CCBE1: variants seen among roughly 807,000 people sequenced by gnomAD.
CCBE1 encodes collagen and calcium-binding EGF domain-containing protein 1.
In CCBE1, 37 loss-of-function variants were observed where a neutral mutation model predicts 50.0. The ratio of observed to expected loss-of-function variants is 0.74; its 90% CI spans 0.57 to 0.97. The LOEUF is 0.97. Among genes scored for constraint, CCBE1 ranks in the 50% least tolerant of loss-of-function variants. CCBE1 has a pLI of 0.00. For missense variants in CCBE1, 538 were observed against 523.8 expected (o/e 1.03, Z -0.26); for synonymous variants, 234 against 203.7 (o/e 1.15, Z -1.27).
chr18:59,521,115 A>C (rs1195155173), intron 2 of CCBE1, among the ~76,000 whole-genome samples: 3 of 152,220 alleles, frequency 2.0e-5, no homozygotes. Flanking sequence ...CACTGCCAAT[A>C]ATCTCTTGTA....
In CCBE1 at chr18:59,433,025, A is replaced by G. The variant is rs1230141270; in HGVS notation, c.*2883T>C. On this transcript the variant is annotated 3_prime_UTR_variant, in exon 11 of 11. Transcript: ENST00000439986. The stretch of plus-strand genomic sequence containing the variant: ...CTCCACAAGCAGGCAAACATTAAAT[A>G]TATTCCAGATGGGAATCAACAGCTG... The G allele has an allele frequency of 1.3e-5, 2 of 152,138 alleles. No homozygotes were observed. Among genetic ancestry groups the G allele is most frequent in the South Asian group, 4.1e-4 (2 of 4,826 alleles). The allele number at this position is 152,138 out of a possible 1,614,324, so 9.4% of individuals were successfully genotyped here.
chr18:59,525,482 C>T lies in CCBE1; in HGVS notation c.213-45244G>A, dbSNP rs540646424. Among the ~76,000 whole-genome samples, 7 of 152,188 alleles carry T rather than the reference C, an allele frequency of 4.6e-5. 1 individual carries two copies. The highest frequency in any genetic ancestry group is 3.9e-4 in the Admixed American group (6 of 15,282). Reference sequence around the variant, plus strand: ...AGATGGATAGGTTGCAAAAGTTCCTCGTAGATTCTGAATATTAGAACTTCG... The same window carrying T: ...AGATGGATAGGTTGCAAAAGTTCCTTGTAGATTCTGAATATTAGAACTTCG... On this transcript the variant is annotated intron_variant, in intron 2 of 10. Transcript: ENST00000439986.
intron 6 of CCBE1, among the ~76,000 whole-genome samples, chr18:59,454,435 G>A (rs951873616): frequency 6.6e-6 from 1 of 152,100 alleles, no homozygotes; most frequent in Non-Finnish European, 1.5e-5. Context: ...TAGTAGAGAT[G>A]GGGTTTAACC....
chr18:59,692,197 A>G (rs1254591162), intron 2 of CCBE1, among the ~76,000 whole-genome samples: 1 of 152,204 alleles, frequency 6.6e-6, no homozygotes, highest in African/African-American at 2.4e-5. Flanking sequence ...TAAAACATTC[A>G]ACATGCAGAC....
Position 59,431,740 on chromosome 18 carries a change from T to C in CCBE1, c.*4168A>G, listed in dbSNP as rs1448535887. 3.3e-5 allele frequency: 5 copies of C among 152,266 alleles called. No homozygotes were observed. Among genetic ancestry groups the C allele is most frequent in the Admixed American group, 6.5e-5 (1 of 15,288 alleles). The allele number at this position is 152,266 out of a possible 1,614,324, so 9.4% of individuals were successfully genotyped here. Reference sequence around the variant, plus strand: ...AAACCAATGAACATTTATTATTTACTTGTTGGGCTATGATACTCCTGAGTT... The same window carrying C: ...AAACCAATGAACATTTATTATTTACCTGTTGGGCTATGATACTCCTGAGTT... On this transcript the variant is annotated 3_prime_UTR_variant, in exon 11 of 11. Transcript: ENST00000439986.
At chr18:59,486,465 C>T (rs1288026732) in intron 2 of CCBE1, among the ~76,000 whole-genome samples, 1 of 152,194 alleles carries the variant, frequency 6.6e-6, no homozygotes, top group Non-Finnish European at 1.5e-5. Context: ...TCTTCTTTTA[C>T]AAGTTAACCT....
At chr18:59,552,358 G>A (rs1006199830) in intron 2 of CCBE1, among the ~76,000 whole-genome samples, 4 of 152,314 alleles carry the variant, frequency 2.6e-5, no homozygotes, top group African/African-American at 7.2e-5. Context: ...AGTAACACAC[G>A]TAGAGTGTTT....
chr18:59,503,453 G>T (rs530122654), intron 2 of CCBE1, among the ~76,000 whole-genome samples: 1 of 152,250 alleles, frequency 6.6e-6, no homozygotes, highest in South Asian at 2.1e-4. Context: ...GGTTGAAATT[G>T]GAGGCCAGAT....
At chr18:59,521,576 T>A (rs2144326455) in intron 2 of CCBE1, among the ~76,000 whole-genome samples, 1 of 152,290 alleles carries the variant, frequency 6.6e-6, no homozygotes, top group African/African-American at 2.4e-5. Flanking sequence ...CCCACACATC[T>A]CTGGATACTT....
At chr18:59,612,113 G>A (rs1301499679) in intron 2 of CCBE1, among the ~76,000 whole-genome samples, 1 of 152,118 alleles carries the variant, frequency 6.6e-6, no homozygotes, top group East Asian at 1.9e-4. Context: ...CAGTCAACAA[G>A]TCTTTGCACA....
intron 2 of CCBE1, among the ~76,000 whole-genome samples, chr18:59,583,823 G>A (rs1343806037): frequency 1.3e-5 from 2 of 152,108 alleles, no homozygotes; most frequent in African/African-American, 4.8e-5. Flanking sequence ...GATATGGTTT[G>A]GATCTGTGTC....
chr18:59,628,724 A>T (rs2053817550), intron 2 of CCBE1, among the ~76,000 whole-genome samples: 1 of 152,162 alleles, frequency 6.6e-6, no homozygotes, highest in South Asian at 2.1e-4. Context: ...GAGGACCCAG[A>T]CCTGTATGTC....
intron 2 of CCBE1, among the ~76,000 whole-genome samples, chr18:59,621,307 T>G (rs1019530338): frequency 6.6e-6 from 1 of 152,192 alleles, no homozygotes; most frequent in Non-Finnish European, 1.5e-5. Flanking sequence ...TCAGGCAAGA[T>G]GAATCAGTCC....
chr18:59,454,541 C>T (rs1598913522), intron 6 of CCBE1, among the ~76,000 whole-genome samples: 2 of 152,162 alleles, frequency 1.3e-5, no homozygotes, highest in Non-Finnish European at 2.9e-5. Flanking sequence ...TCACCGCACC[C>T]GGCTGGAAAT....
chr18:59,474,665 C>T (rs1180641520), intron 3 of CCBE1, among the ~76,000 whole-genome samples: 1 of 152,208 alleles, frequency 6.6e-6, no homozygotes, highest in Non-Finnish European at 1.5e-5. Context: ...AATATATCTT[C>T]TGTCTTCTGT....
intron 2 of CCBE1, among the ~76,000 whole-genome samples, chr18:59,580,764 A>G (rs966782690): frequency 6.6e-6 from 1 of 152,200 alleles, no homozygotes; most frequent in African/African-American, 2.4e-5. Context: ...AAATTTTTTA[A>G]AAACAAAATA....
At chr18:59,684,547 A>G (rs2054632935) in intron 2 of CCBE1, among the ~76,000 whole-genome samples, 2 of 152,214 alleles carry the variant, frequency 1.3e-5, no homozygotes, top group African/African-American at 4.8e-5. Flanking sequence ...TCACTTATGA[A>G]CCACTTTGTG....
chr18:59,675,366 T>C (rs559639941), intron 2 of CCBE1, among the ~76,000 whole-genome samples: 1 of 152,322 alleles, frequency 6.6e-6, no homozygotes, highest in South Asian at 2.1e-4. Context: ...TGGTCAATAA[T>C]TGGTTGCAGA....
intron 2 of CCBE1, among the ~76,000 whole-genome samples, chr18:59,613,286 C>A (rs1394413506): frequency 1.3e-5 from 2 of 152,142 alleles, no homozygotes; most frequent in Non-Finnish European, 2.9e-5. Flanking sequence ...GTACAAACAG[C>A]AAAATATGTT....
Sources: allele counts gnomAD v4.1 joint callset (sites outside exome capture counted in the v4.1 genomes callset), GRCh38; gene constraint gnomAD v4.1.1; transcripts MANE v1.5; gene names NCBI Gene and HGNC (gene_info 2026-07-23, HGNC 2026-07-21).